The following TRAPPC10 variants were observed in gnomAD, a reference collection of about 807,000 sequenced individuals.
TRAPPC10 encodes trafficking protein particle complex subunit 10.
Under a neutral mutation model 125.5 loss-of-function variants are expected in TRAPPC10, and 23 were observed. That is an observed-to-expected ratio of 0.18 (90% confidence interval 0.13 to 0.26). TRAPPC10 has a LOEUF of 0.26. Among genes scored for constraint, TRAPPC10 ranks in the 10% least tolerant of loss-of-function variants. TRAPPC10 has a pLI of 1.00. For missense variants in TRAPPC10, 1,123 were observed against 1,308.4 expected (o/e 0.86, Z 2.19); for synonymous variants, 509 against 518.0 (o/e 0.98, Z 0.24).
chr21:44,038,940 A>G (rs2034197124), intron 3 of TRAPPC10, among the ~76,000 whole-genome samples: 1 of 152,126 alleles, frequency 6.6e-6, no homozygotes, highest in African/African-American at 2.4e-5. Flanking sequence ...GAGACTCTGT[A>G]CCCAAGGTTT....
At chr21:44,013,602 TC>T (rs2031445307) in intron 1 of TRAPPC10, among the ~76,000 whole-genome samples, 2 of 152,236 alleles carry the variant, frequency 1.3e-5, no homozygotes, top group African/African-American at 4.8e-5. Flanking sequence ...CCTGCTGTGT[TC>T]CTTCCTGTTA....
At chr21:44,084,029 G>A in intron 14 of TRAPPC10, 93 bp from the exon 15 acceptor site, 1 of 1,464,466 alleles carries the variant, frequency 6.8e-7, no homozygotes, top group Non-Finnish European at 9.3e-7. Flanking sequence ...AGGCCTTTCT[G>A]GAGTTCAGAG....
chr21:44,091,819 G>A lies in TRAPPC10; in HGVS notation c.2871-104G>A, dbSNP rs547470901. ...ACAACTTAGCTTACTTTGCTTTGTT[G>A]CTTTTTTGATTCCCCAGGCAGAGAG... On this transcript the variant is annotated intron_variant, in intron 18 of 22. Transcript: ENST00000291574. 4 of 1,125,134 alleles carry A rather than the reference G, an allele frequency of 3.6e-6. No homozygotes were observed. The South Asian group carries it at 6.4e-5, about 18-fold the overall frequency. The allele number at this position is 1,125,134 out of a possible 1,614,324, so 69.7% of individuals were successfully genotyped here. A position where few individuals can be genotyped will look rare whatever the true frequency, so the allele number is the denominator to read the frequency against.
chr21:44,065,440 C>T (rs1022539436), intron 7 of TRAPPC10, among the ~76,000 whole-genome samples: 2 of 152,194 alleles, frequency 1.3e-5, no homozygotes, highest in African/African-American at 4.8e-5. Context: ...TCCCCTTGGC[C>T]TTTCCTTGAG....
intron 10 of TRAPPC10, among the ~76,000 whole-genome samples, chr21:44,077,407 G>A (rs986409359): frequency 6.6e-6 from 1 of 152,176 alleles, no homozygotes; most frequent in Non-Finnish European, 1.5e-5. Context: ...AGCCAACATG[G>A]TGAAATCCTG....
At chr21:44,062,679 G>A (rs2036145906) in intron 6 of TRAPPC10, 1 of 984,836 alleles carries the variant, frequency 1.0e-6, no homozygotes, top group African/African-American at 1.8e-5. Context: ...ACTCCACACT[G>A]CTGGGTGCTC....
intron 7 of TRAPPC10, among the ~76,000 whole-genome samples, chr21:44,072,905 C>A (rs1471964596): frequency 6.6e-6 from 1 of 152,192 alleles, no homozygotes; most frequent in South Asian, 2.1e-4. Flanking sequence ...GGGAACCAGG[C>A]GGGCCTGCAA....
intron 2 of TRAPPC10, among the ~76,000 whole-genome samples, chr21:44,036,869 G>A (rs2034021988): frequency 1.3e-5 from 2 of 152,286 alleles, no homozygotes; most frequent in South Asian, 2.1e-4. Context: ...GTTACGTACT[G>A]AGAATTAAAA....
At position 44,052,448 on chromosome 21, in the gene TRAPPC10, A is replaced by G. The variant is rs780324964; in HGVS notation, c.454A>G (p.Asn152Asp). 6.2e-7 allele frequency: 1 copy of G among 1,604,080 alleles called. No homozygotes were observed. The highest frequency in any genetic ancestry group is 8.5e-7 in the Non-Finnish European group (1 of 1,177,464). Residue 152 changes from asparagine (N) to aspartate (D), a missense_variant, in exon 4 of 23, where the codon AAT (asparagine) becomes GAT (aspartate). This residue lies in a region of TRAPPC10 where 177 missense variants were observed against 228.9 expected (regional missense o/e 0.77). Transcript: ENST00000291574. ...PRTSIVDKIR[N>D]DFCNKQSDRC... ...AACCTCTATTGTGGACAAAATAAGA[A>G]ATGATTTTTGTAATAAACAGAGTGA...
intron 3 of TRAPPC10, chr21:44,047,101 C>A: frequency 1.6e-6 from 1 of 621,910 alleles, no homozygotes. Context: ...AGACCCATGG[C>A]GAGATCCCAC....
Position 44,037,797 on chromosome 21 carries a change from A to G in TRAPPC10, c.155A>G (p.Tyr52Cys), listed in dbSNP as rs1336000763. The change falls in exon 3 of 23, where the codon TAT becomes TGT. Residue 52 changes from tyrosine (Y) to cysteine (C), a missense_variant. Physicochemically the swap from Tyr to Cys is radical, Grantham distance 194 (BLOSUM62 -2). Around this residue, in one of 4 missense-constraint regions of TRAPPC10, gnomAD observed 177 missense variants for 228.9 expected, o/e 0.77. Transcript: ENST00000291574. Reference sequence around the variant, plus strand: ...CTTCAAACAATTGTTTACAGGTCCTATGGCCGGGCTCCGAAGATGATTCAC... The same window carrying G: ...CTTCAAACAATTGTTTACAGGTCCTGTGGCCGGGCTCCGAAGATGATTCAC... The part of the protein sequence containing the change: ...PREPMEWRRS[Y>C]GRAPKMIHLE... 4 of 1,613,414 alleles carry G rather than the reference A, an allele frequency of 2.5e-6. No homozygotes were observed. The highest frequency in any genetic ancestry group is 1.7e-5 in the Admixed American group (1 of 59,834).
chr21:44,076,534 C>G lies in TRAPPC10; in HGVS notation c.1301-18C>G, dbSNP rs746784534. ...CATGATGAAGATGAAGAGGGACTCT[C>G]GTTTCTTTCTGTTTAAGCCAACACA... On this transcript the variant is annotated intron_variant, in intron 9 of 22. Transcript: ENST00000291574. 1 of 1,605,354 alleles carries G rather than the reference C, an allele frequency of 6.2e-7. No homozygotes were observed. Among genetic ancestry groups the G allele is most frequent in the Admixed American group, 1.7e-5 (1 of 59,968 alleles).
chr21:44,052,548 GTAA>G, intron 4 of TRAPPC10, 72 bp downstream of exon 4: 1 of 1,399,796 alleles, frequency 7.1e-7, no homozygotes, highest in Non-Finnish European at 9.7e-7. Flanking sequence ...TTCCTGGGTA[GTAA>G]TAAATATTTA....
intron 6 of TRAPPC10, among the ~76,000 whole-genome samples, chr21:44,061,688 A>T (rs2036071271): frequency 6.6e-6 from 1 of 152,262 alleles, no homozygotes; most frequent in Non-Finnish European, 1.5e-5. Context: ...TAAAATATTT[A>T]CACTGAGCAC....
chr21:44,038,073 G>A (rs2034125215), intron 3 of TRAPPC10, 146 bp downstream of exon 3: 5 of 1,164,242 alleles, frequency 4.3e-6, no homozygotes, highest in Non-Finnish European at 4.9e-6. Context: ...TACCAGTGGG[G>A]GAAGAGGACG....
Position 44,094,440 on chromosome 21 carries a change from ACACTCCT to A in TRAPPC10, c.3168+208_3168+214del, listed in dbSNP as rs2038792646. Reference sequence around the variant, plus strand: ...CTCAAGTGACACATCTGAGATGCCCACACTCCTGGGGGCATCTCTAAGAGGAGTGTTT... The same window carrying A: ...CTCAAGTGACACATCTGAGATGCCCAGGGGGCATCTCTAAGAGGAGTGTTT... On this transcript the variant is annotated intron_variant, in intron 20 of 22. Transcript: ENST00000291574. Among the ~76,000 whole-genome samples, 6 of 152,280 alleles carry A rather than the reference ACACTCCT, an allele frequency of 3.9e-5. 1 individual carries two copies. The East Asian group carries it at 9.7e-4, about 25-fold the overall frequency.
At chr21:44,077,837 A>C in intron 11 of TRAPPC10, 53 bp downstream of exon 11, 1 of 1,385,412 alleles carries the variant, frequency 7.2e-7, no homozygotes, top group Non-Finnish European at 1.0e-6. Context: ...TAACACGAGA[A>C]GATTTGTTAT....
At chr21:44,088,417 G>A (rs1164945695) in intron 17 of TRAPPC10, 1 of 174,334 alleles carries the variant, frequency 5.7e-6, no homozygotes, top group Non-Finnish European at 1.2e-5. Flanking sequence ...CTCATGGAAT[G>A]TGTCGCTGCA....
At chr21:44,032,855 G>A (rs1444549217) in intron 2 of TRAPPC10, among the ~76,000 whole-genome samples, 1 of 152,174 alleles carries the variant, frequency 6.6e-6, no homozygotes, top group Non-Finnish European at 1.5e-5. Flanking sequence ...ACCTTAAAGC[G>A]GAAGAACTGG....
Sources: allele counts gnomAD v4.1 joint callset (sites outside exome capture counted in the v4.1 genomes callset), GRCh38; gene constraint gnomAD v4.1.1; regional missense constraint gnomAD v4.1.1; transcripts MANE v1.5; gene names NCBI Gene and HGNC (gene_info 2026-07-23, HGNC 2026-07-21).